ALCAM: variants seen among roughly 807,000 people sequenced by gnomAD.
ALCAM encodes activated leukocyte cell adhesion molecule, also known as CD166 antigen.
In ALCAM, 30 loss-of-function variants were observed where a neutral mutation model predicts 70.9. The ratio of observed to expected loss-of-function variants is 0.42; its 90% CI spans 0.32 to 0.57. The LOEUF (loss-of-function observed/expected upper bound fraction) is 0.57. Among genes scored for constraint, ALCAM ranks in the 20% least tolerant of loss-of-function variants. ALCAM has a pLI of 0.11. For missense variants in ALCAM, 591 were observed against 695.1 expected (o/e 0.85, Z 1.68); for synonymous variants, 249 against 242.5 (o/e 1.03, Z -0.25).
At chr3:105,556,716 A>T (rs1940525656) in intron 14 of ALCAM, among the ~76,000 whole-genome samples, 1 of 151,978 alleles carries the variant, frequency 6.6e-6, no homozygotes, top group Non-Finnish European at 1.5e-5. Flanking sequence ...ATGGAACACG[A>T]TCTTGCAAAA....
At chr3:105,389,470 A>G (rs1195067412) in intron 1 of ALCAM, among the ~76,000 whole-genome samples, 1 of 138,628 alleles carries the variant, frequency 7.2e-6, no homozygotes, top group Non-Finnish European at 1.5e-5. Flanking sequence ...GATAGGAGGG[A>G]AGCCTTCTTA....
intron 6 of ALCAM, among the ~76,000 whole-genome samples, chr3:105,538,238 G>A (rs1048799644): frequency 1.3e-5 from 2 of 152,098 alleles, no homozygotes; most frequent in African/African-American, 4.8e-5. Flanking sequence ...GACTAGGGAA[G>A]TGTTAGTGAG....
At chr3:105,468,940 A>G (rs1161989160) in intron 1 of ALCAM, among the ~76,000 whole-genome samples, 1 of 151,210 alleles carries the variant, frequency 6.6e-6, no homozygotes, top group East Asian at 1.9e-4. Flanking sequence ...GCATAGTTAG[A>G]TGCTTTAAAA....
At chr3:105,492,270 C>T (rs531402494) in intron 1 of ALCAM, among the ~76,000 whole-genome samples, 28 of 152,264 alleles carry the variant, frequency 1.8e-4, no homozygotes, top group South Asian at 4.2e-4. Flanking sequence ...CCCACCGGGT[C>T]CCTCCCATAA....
At chr3:105,522,377 T>C (rs1351578976) in intron 2 of ALCAM, among the ~76,000 whole-genome samples, 1 of 152,210 alleles carries the variant, frequency 6.6e-6, no homozygotes, top group African/African-American at 2.4e-5. Flanking sequence ...TGAGGCACTA[T>C]ATGCTCTAAA....
intron 14 of ALCAM, among the ~76,000 whole-genome samples, chr3:105,563,102 A>G (rs1361038441): frequency 6.6e-6 from 1 of 151,982 alleles, no homozygotes; most frequent in Non-Finnish European, 1.5e-5. Flanking sequence ...CACAGCACCC[A>G]GCCAAATTTC....
intron 1 of ALCAM, among the ~76,000 whole-genome samples, chr3:105,483,914 CA>C (rs142824124): frequency 0.013 from 1,997 of 152,172 alleles, 34 homozygotes; most frequent in African/African-American, 0.044. Context: ...TGGGATTATA[CA>C]AAACCCAATT....
intron 1 of ALCAM, among the ~76,000 whole-genome samples, chr3:105,469,419 T>C (rs1937854044): frequency 6.6e-6 from 1 of 151,158 alleles, no homozygotes; most frequent in Admixed American, 6.6e-5. Context: ...CTATGGTGGT[T>C]CCAAACTCTA....
rs144337771 is a variant in ALCAM, at chr3:105,367,583, C to T, written c.73+102C>T. The T allele has an allele frequency of 1.6e-3, 2,274 of 1,397,588 alleles. 26 individuals carry two copies. The African/African-American group carries it at 0.028, about 17-fold the overall frequency. 86.6% of individuals were successfully genotyped at this position (1,397,588 alleles called of 1,614,324 possible). On this transcript the variant is annotated intron_variant, in intron 1 of 15. Transcript: ENST00000306107. ...ACCCCCGAGGCAGTGCGCCCAGGCG[C>T]GTGGTGGAGGTAAGGGGACCGCTGT...
intron 1 of ALCAM, among the ~76,000 whole-genome samples, chr3:105,413,916 T>C (rs1177098967): frequency 6.6e-6 from 1 of 152,152 alleles, no homozygotes; most frequent in Non-Finnish European, 1.5e-5. Context: ...ATGTTATTTA[T>C]CAAACATTAT....
At chr3:105,536,832 G>T (rs1939982109) in intron 6 of ALCAM, among the ~76,000 whole-genome samples, 2 of 152,132 alleles carry the variant, frequency 1.3e-5, no homozygotes, top group Admixed American at 6.6e-5. Flanking sequence ...AGGTGCCCAA[G>T]GACAGTGGTT....
intron 1 of ALCAM, among the ~76,000 whole-genome samples, chr3:105,437,428 AT>A (rs1937074009): frequency 6.6e-6 from 1 of 152,108 alleles, no homozygotes; most frequent in South Asian, 2.1e-4. Context: ...GAAATACTAT[AT>A]GTTTCTATGA....
chr3:105,479,052 A>G (rs966756901), intron 1 of ALCAM, among the ~76,000 whole-genome samples: 2 of 152,184 alleles, frequency 1.3e-5, no homozygotes, highest in African/African-American at 4.8e-5. Context: ...AGATTTAGGA[A>G]ACGAGATAAT....
chr3:105,408,566 C>G (rs569473402), intron 1 of ALCAM, among the ~76,000 whole-genome samples: 10 of 152,224 alleles, frequency 6.6e-5, no homozygotes, highest in African/African-American at 2.4e-4. Flanking sequence ...GGATCAAAGA[C>G]TTAAATCTAA....
At chr3:105,434,868 A>C (rs1358858210) in intron 1 of ALCAM, among the ~76,000 whole-genome samples, 1 of 152,198 alleles carries the variant, frequency 6.6e-6, no homozygotes, top group African/African-American at 2.4e-5. Context: ...ATACATGTAT[A>C]TGTAAACTGT....
At chr3:105,454,975 C>T (rs1248621345) in intron 1 of ALCAM, among the ~76,000 whole-genome samples, 1 of 151,680 alleles carries the variant, frequency 6.6e-6, no homozygotes, top group Non-Finnish European at 1.5e-5. Context: ...CCACTGCACC[C>T]GGCCTAAATG....
intron 1 of ALCAM, among the ~76,000 whole-genome samples, chr3:105,406,053 T>C (rs1000160522): frequency 6.6e-6 from 1 of 152,180 alleles, no homozygotes; most frequent in African/African-American, 2.4e-5. Context: ...CTTTCTAGGC[T>C]ATATGTCTAT....
At chr3:105,429,565 A>T (rs1210775170) in intron 1 of ALCAM, among the ~76,000 whole-genome samples, 2 of 152,008 alleles carry the variant, frequency 1.3e-5, no homozygotes, top group East Asian at 3.9e-4. Context: ...AGCTAGCACT[A>T]TAAACAAAAA....
At chr3:105,533,419 A>T (rs552369951) in intron 4 of ALCAM, among the ~76,000 whole-genome samples, 184 bp from the exon 5 acceptor site, 2 of 152,292 alleles carry the variant, frequency 1.3e-5, no homozygotes, top group Non-Finnish European at 2.9e-5. Flanking sequence ...ATAAATTGTT[A>T]AAAAGGTCTT....
Sources: allele counts gnomAD v4.1 joint callset (sites outside exome capture counted in the v4.1 genomes callset), GRCh38; gene constraint gnomAD v4.1.1; transcripts MANE v1.5; gene names NCBI Gene and HGNC (gene_info 2026-07-23, HGNC 2026-07-21).